Variants in COG6 observed in about 807,000 individuals in gnomAD.
COG6 encodes conserved oligomeric Golgi complex subunit 6.
COG6 carries 74 observed loss-of-function variants against 88.8 expected under a neutral mutation model. The ratio of observed to expected loss-of-function variants is 0.83; its 90% CI spans 0.69 to 1.01. COG6 has a LOEUF of 1.01. Among genes scored for constraint, COG6 ranks in the 50% least tolerant of loss-of-function variants. COG6 has a pLI of 0.00. For missense variants in COG6, 800 were observed against 797.9 expected (o/e 1.00, Z -0.03); for synonymous variants, 286 against 278.7 (o/e 1.03, Z -0.26).
chr13:39,680,272 C>T (rs926395235), intron 7 of COG6, among the ~76,000 whole-genome samples: 4 of 152,150 alleles, frequency 2.6e-5, no homozygotes, highest in African/African-American at 9.7e-5. Flanking sequence ...CATTTGAGCA[C>T]ACTGTTTTTT....
chr13:39,752,828 A>G (rs1481736286), downstream of COG6, among the ~76,000 whole-genome samples: 2 of 152,212 alleles, frequency 1.3e-5, no homozygotes, highest in East Asian at 1.9e-4. Context: ...CTATTAATAT[A>G]ACACCTAAAT....
At chr13:39,724,481 T>TG in intron 16 of COG6, 27 bp from the exon 17 acceptor site, 3 of 1,354,262 alleles carry the variant, frequency 2.2e-6, no homozygotes, top group Non-Finnish European at 3.0e-6. Flanking sequence ...ATCTTGGATC[T>TG]GCTTTTTTTT....
intron 18 of COG6, among the ~76,000 whole-genome samples, chr13:39,783,743 A>G (rs906731009): frequency 6.6e-6 from 1 of 152,220 alleles, no homozygotes; most frequent in African/African-American, 2.4e-5. Flanking sequence ...AATCTGTCTC[A>G]GTTTAATCTC....
At chr13:39,692,196 C>T (rs943617501) in intron 11 of COG6, among the ~76,000 whole-genome samples, 3 of 151,836 alleles carry the variant, frequency 2.0e-5, no homozygotes, top group Admixed American at 6.6e-5. Flanking sequence ...TAGGGGGTAC[C>T]GTGGCTCATC....
intron 11 of COG6, among the ~76,000 whole-genome samples, chr13:39,692,306 A>G (rs1472578502): frequency 6.6e-6 from 1 of 151,974 alleles, no homozygotes; most frequent in African/African-American, 2.4e-5. Flanking sequence ...CCATGGGTAT[A>G]AAATCCTTCT....
chr13:39,784,159 C>T (rs999600641), intron 18 of COG6, among the ~76,000 whole-genome samples: 4 of 152,170 alleles, frequency 2.6e-5, no homozygotes, highest in African/African-American at 7.2e-5. Flanking sequence ...TCATCACCTT[C>T]ATTGATGAGC....
intron 18 of COG6, among the ~76,000 whole-genome samples, chr13:39,745,018 T>A (rs997238985): frequency 6.6e-6 from 1 of 152,206 alleles, no homozygotes; most frequent in Admixed American, 6.5e-5. Flanking sequence ...TAAATGGTAC[T>A]GGGAAAACTG....
intron 18 of COG6, among the ~76,000 whole-genome samples, chr13:39,743,573 A>C (rs1880168807): frequency 6.6e-6 from 1 of 152,212 alleles, no homozygotes. Context: ...GAATCTCTGA[A>C]TAGACCAATA....
intron 13 of COG6, among the ~76,000 whole-genome samples, chr13:39,700,214 G>A (rs2138034545): frequency 6.6e-6 from 1 of 151,912 alleles, no homozygotes; most frequent in African/African-American, 2.4e-5. Context: ...TCATTATTGA[G>A]AACATGAGTT....
intron 13 of COG6, among the ~76,000 whole-genome samples, chr13:39,706,050 A>C: frequency 6.6e-6 from 1 of 151,724 alleles, no homozygotes; most frequent in East Asian, 1.9e-4. Context: ...ATTATTTCAA[A>C]CATGTTAGTT....
intron 17 of COG6, among the ~76,000 whole-genome samples, chr13:39,726,537 T>C (rs1415308994): frequency 2.6e-5 from 4 of 151,914 alleles, no homozygotes; most frequent in African/African-American, 9.7e-5. Flanking sequence ...AGTCTAAAAA[T>C]GCTGCAGTAG....
chr13:39,659,044 ATT>A (rs35836630), intron 1 of COG6, among the ~76,000 whole-genome samples: 2 of 151,528 alleles, frequency 1.3e-5, no homozygotes, highest in East Asian at 1.9e-4. Context: ...GTGCATAAAG[ATT>A]TTTTTTTTGT....
At chr13:39,714,226 T>TG (rs1353011843) in intron 13 of COG6, among the ~76,000 whole-genome samples, 1 of 127,492 alleles carries the variant, frequency 7.8e-6, no homozygotes, top group Non-Finnish European at 1.8e-5. Flanking sequence ...TTTTGAAAGT[T>TG]TTTTTTTTTA....
chr13:39,724,307 G>T (rs1879012078), intron 16 of COG6, among the ~76,000 whole-genome samples: 1 of 151,872 alleles, frequency 6.6e-6, no homozygotes, highest in African/African-American at 2.4e-5. Flanking sequence ...ATAAACTTGA[G>T]CACGTCTTGC....
chr13:39,657,340 T>C (rs1443352790), intron 1 of COG6, among the ~76,000 whole-genome samples: 1 of 152,224 alleles, frequency 6.6e-6, no homozygotes, highest in Non-Finnish European at 1.5e-5. Flanking sequence ...CCACATAACC[T>C]TCTTTTTACC....
intron 3 of COG6, chr13:39,663,928 T>C (rs1371588245): frequency 6.6e-6 from 1 of 151,984 alleles, no homozygotes. Flanking sequence ...TGCAAAATTA[T>C]CTAGGTTCAA....
intron 4 of COG6, among the ~76,000 whole-genome samples, chr13:39,674,110 G>A (rs961910330): frequency 2.0e-5 from 3 of 150,442 alleles, no homozygotes; most frequent in African/African-American, 4.9e-5. Context: ...TGTGTACAAC[G>A]TGCAGGTTTG....
Position 39,694,737 on chromosome 13 carries a change from G to T in COG6, c.1166+12G>T. The T allele has an allele frequency of 7.5e-7, 1 of 1,340,400 alleles. No homozygotes were observed. Among genetic ancestry groups the T allele is most frequent in the South Asian group, 1.2e-5 (1 of 83,008 alleles). 83.0% of individuals were successfully genotyped at this position (1,340,400 alleles called of 1,614,324 possible). ...CACCATACAATCAGGTAAGTAGAATGGCAAAATGTGCTTGCTAAATCCAAT... is the reference window on the plus strand; with the variant it reads ...CACCATACAATCAGGTAAGTAGAATTGCAAAATGTGCTTGCTAAATCCAAT... On this transcript the variant is annotated intron_variant, in intron 12 of 18. Coordinates refer to ENST00000455146, the MANE Select transcript of COG6 (RefSeq NM_020751.3).
At chr13:39,665,376 G>A (rs192233934) in intron 4 of COG6, among the ~76,000 whole-genome samples, 1 of 152,318 alleles carries the variant, frequency 6.6e-6, no homozygotes, top group African/African-American at 2.4e-5. Context: ...CTTTGGAAGA[G>A]AGGTGATGAT....
Sources: allele counts gnomAD v4.1 joint callset (sites outside exome capture counted in the v4.1 genomes callset), GRCh38; gene constraint gnomAD v4.1.1; transcripts MANE v1.5; gene names NCBI Gene and HGNC (gene_info 2026-07-23, HGNC 2026-07-21).